The following KBTBD3 variants were observed in gnomAD, a reference collection of about 807,000 sequenced individuals.
The protein encoded by KBTBD3 is kelch repeat and BTB domain containing 3, also known as kelch repeat and BTB domain-containing protein 3.
KBTBD3 carries 38 observed loss-of-function variants against 49.6 expected under a neutral mutation model. That is an observed-to-expected ratio of 0.77 (90% CI 0.59 to 1.00). The LOEUF is 1.00. Among genes scored for constraint, KBTBD3 ranks in the 50% least tolerant of loss-of-function variants. KBTBD3 has a pLI of 0.00. For synonymous variants in KBTBD3, 214 were observed against 250.4 expected, an observed-to-expected ratio of 0.85 and a Z score of 1.37; for missense variants, 661 against 712.0, an observed-to-expected ratio of 0.93 and a Z score of 0.81.
rs543907881 is a variant in KBTBD3 at position 106,053,676 on chromosome 11, G to A, written c.1013C>T (p.Ser338Leu). The A allele has an allele frequency of 1.4e-5, 22 of 1,613,682 alleles. No individual in the cohort carries two copies. In the South Asian group the frequency reaches 1.9e-4, roughly 14 times the overall value. Residue 338 changes from serine (S) to leucine (L), a missense_variant, in exon 4 of 4, where the codon TCG becomes TTG. Physicochemically the swap from Ser to Leu is moderately radical, Grantham distance 145. Coordinates refer to ENST00000531837, the MANE Select transcript of KBTBD3 (RefSeq NM_198439.3). ...CAAGAATATTTTCTCTCCGTAACTC[G>A]AAAGACTAGATCCTGGCAAATCAAT... Reference protein sequence around the residue: ...HLIDLPGSSLSSYGEKIFLTG... With the variant: ...HLIDLPGSSLLSYGEKIFLTG...
intron 2 of KBTBD3, among the ~76,000 whole-genome samples, chr11:106,060,182 T>C (rs1301753864): frequency 6.6e-6 from 1 of 152,078 alleles, no homozygotes; most frequent in Non-Finnish European, 1.5e-5. Flanking sequence ...ACTTAAATAT[T>C]TATTGATTCA....
At chr11:106,067,866 T>A (rs1025561261) in intron 2 of KBTBD3, among the ~76,000 whole-genome samples, 4 of 151,678 alleles carry the variant, frequency 2.6e-5, no homozygotes, top group African/African-American at 7.3e-5. Flanking sequence ...TGACCCAACT[T>A]TATGCTTCCT....
chr11:106,060,484 G>A (rs1308910130), intron 2 of KBTBD3, among the ~76,000 whole-genome samples: 1 of 151,872 alleles, frequency 6.6e-6, no homozygotes, highest in Non-Finnish European at 1.5e-5. Flanking sequence ...ATACCATGTG[G>A]GCACACATTT....
At chr11:106,064,780 T>C (rs956705405) in intron 2 of KBTBD3, among the ~76,000 whole-genome samples, 3 of 152,056 alleles carry the variant, frequency 2.0e-5, no homozygotes, top group East Asian at 1.9e-4. Flanking sequence ...TAACCTATAA[T>C]AGTATTATAG....
intron 3 of KBTBD3, chr11:106,058,075 C>A (rs924443563): frequency 2.5e-6 from 1 of 398,156 alleles, no homozygotes; most frequent in South Asian, 1.3e-4. Context: ...AAAAGGTAGT[C>A]TTAAATTCTC....
chr11:106,070,752 C>G (rs1235633533), intron 2 of KBTBD3, among the ~76,000 whole-genome samples: 1 of 152,048 alleles, frequency 6.6e-6, no homozygotes, highest in East Asian at 1.9e-4. Context: ...GTGCAATAGC[C>G]TCTACATGTT....
intron 2 of KBTBD3, among the ~76,000 whole-genome samples, chr11:106,068,057 T>C (rs1860843119): frequency 7.1e-6 from 1 of 140,058 alleles, no homozygotes; most frequent in South Asian, 2.2e-4. Context: ...AGACTAGCAG[T>C]CAAAAATATA....
chr11:106,057,920 T>C (rs1475377342), intron 3 of KBTBD3: 1 of 394,960 alleles, frequency 2.5e-6, no homozygotes, highest in Admixed American at 4.4e-5. Context: ...CCTGTCGTCT[T>C]CTTTTTCTAA....
chr11:106,069,281 T>C (rs1040030191), intron 2 of KBTBD3, among the ~76,000 whole-genome samples: 3 of 151,772 alleles, frequency 2.0e-5, no homozygotes, highest in African/African-American at 7.3e-5. Flanking sequence ...GGCATATACA[T>C]CGGAAAGGAA....
intron 2 of KBTBD3, among the ~76,000 whole-genome samples, chr11:106,069,654 A>T (rs886954465): frequency 7.5e-4 from 114 of 152,184 alleles, no homozygotes; most frequent in African/African-American, 2.6e-3. Flanking sequence ...AAATTGGAAA[A>T]GTCAACTTAA....
chr11:106,058,568 C>A (rs574314938), intron 3 of KBTBD3, among the ~76,000 whole-genome samples: 1 of 151,750 alleles, frequency 6.6e-6, no homozygotes, highest in African/African-American at 2.4e-5. Context: ...GGATTACAGG[C>A]GCACGCCATT....
chr11:106,064,593 T>G (rs1400434952), intron 2 of KBTBD3, among the ~76,000 whole-genome samples: 7 of 148,734 alleles, frequency 4.7e-5, no homozygotes, highest in African/African-American at 1.7e-4. Context: ...ATTTATACTA[T>G]GCAAAAGGGC....
chr11:106,067,374 A>G (rs1386979870), intron 2 of KBTBD3, among the ~76,000 whole-genome samples: 4 of 152,110 alleles, frequency 2.6e-5, no homozygotes, highest in Non-Finnish European at 4.4e-5. Context: ...GAGGCCGAGG[A>G]GGGCAGATTA....
chr11:106,073,034 CA>C (rs1194415514), intron 2 of KBTBD3, among the ~76,000 whole-genome samples: 2 of 152,040 alleles, frequency 1.3e-5, no homozygotes, highest in African/African-American at 4.8e-5. Context: ...CAGACAATAA[CA>C]AAAGGGGTAA....
chr11:106,072,473 T>C (rs576624077), intron 2 of KBTBD3, among the ~76,000 whole-genome samples: 6 of 152,288 alleles, frequency 3.9e-5, no homozygotes, highest in African/African-American at 1.4e-4. Flanking sequence ...TAGTGTACTT[T>C]TAAGATTACA....
At position 106,053,563 on chromosome 11, in the gene KBTBD3, A is replaced by G. The variant is rs769234939; in HGVS notation, c.1126T>C (p.Tyr376His). Residue 376 changes from tyrosine to histidine, a missense_variant, in exon 4 of 4, where the codon TAC becomes CAC. By Grantham distance (83) the Tyr-to-His change is moderately conservative (BLOSUM62 2). Coordinates refer to ENST00000531837, the MANE Select transcript of KBTBD3 (RefSeq NM_198439.3). ...YHDATDQTWC[Y>H]CPVKNDFFLV... ...AAGAAATCATTTTTCACTGGACAGT[A>G]GCACCAGGTTTGATCAGTGGCATCA... 3.1e-6 allele frequency: 5 copies of G among 1,613,736 alleles called. No individual in the cohort carries two copies. The East Asian group carries it at 1.1e-4, about 36-fold the overall frequency.
At chr11:106,074,118 C>CA (rs1044516615) in intron 2 of KBTBD3, among the ~76,000 whole-genome samples, 17 of 87,536 alleles carry the variant, frequency 1.9e-4, no homozygotes, top group Admixed American at 5.0e-4. Context: ...GAACACCCCC[C>CA]CCCACACACA....
At chr11:106,075,387 G>A (rs1861006806) in intron 2 of KBTBD3, 1 of 152,146 alleles carries the variant, frequency 6.6e-6, no homozygotes. Context: ...CTATTGTGGA[G>A]TCATTAATAA....
intron 2 of KBTBD3, among the ~76,000 whole-genome samples, chr11:106,063,973 G>C (rs545692744): frequency 2.6e-5 from 4 of 152,130 alleles, no homozygotes; most frequent in Non-Finnish European, 5.9e-5. Context: ...AAAATAAGTG[G>C]AAGTTAAGGC....
Sources: gnomAD v4.1 joint callset for allele counts (sites outside exome capture counted in the v4.1 genomes callset) on GRCh38, gnomAD v4.1.1 for gene constraint, MANE v1.5 for transcripts, NCBI Gene and HGNC (gene_info 2026-07-23, HGNC 2026-07-21) for gene names.